The following GRIA2 variants were observed in gnomAD, a reference collection of about 807,000 sequenced individuals.
The protein encoded by GRIA2 is glutamate ionotropic receptor AMPA type subunit 2, also known as glutamate receptor 2.
GRIA2 carries 14 observed loss-of-function variants against 97.3 expected under a neutral mutation model. The observed-to-expected ratio is 0.14, with a 90% CI of 0.10 to 0.23. The LOEUF (loss-of-function observed/expected upper bound fraction) is 0.23, where lower values mean the gene tolerates loss of function less well. Among genes scored for constraint, GRIA2 ranks in the 10% least tolerant of loss-of-function variants. GRIA2 has a pLI of 1.00. For missense variants in GRIA2, 558 were observed against 1,069.8 expected (o/e 0.52, Z 6.67); for synonymous variants, 412 against 387.8 (o/e 1.06, Z -0.73).
intron 12 of GRIA2, among the ~76,000 whole-genome samples, chr4:157,355,608 A>G (rs1308550204): frequency 3.6e-5 from 5 of 137,968 alleles, no homozygotes; most frequent in Admixed American, 7.8e-5. Flanking sequence ...ATATATTTAT[A>G]TATATTTATT....
In GRIA2 at chr4:157,269,546, A is replaced by G. The variant is rs1731925671; in HGVS notation, c.230-34006A>G. Among the ~76,000 whole-genome samples the G allele has an allele frequency of 2.0e-5, 3 of 152,078 alleles. No homozygotes were observed. In the South Asian group the frequency reaches 6.2e-4, roughly 31 times the overall value. On this transcript the variant is annotated intron_variant, in intron 2 of 15. Transcript: ENST00000264426. ...AGAGATGAAGTAATAGCAGAGTTCTAGACTCTTGACTGGCCTGAACTGTTC... is the reference window on the plus strand; with the variant it reads ...AGAGATGAAGTAATAGCAGAGTTCTGGACTCTTGACTGGCCTGAACTGTTC...
chr4:157,348,533 C>A (rs1469856247), intron 12 of GRIA2, among the ~76,000 whole-genome samples: 2 of 152,106 alleles, frequency 1.3e-5, no homozygotes, highest in African/African-American at 4.8e-5. Context: ...GCCACCTCAC[C>A]CAGCCCAAAA....
At chr4:157,289,694 G>A (rs969060960) in intron 2 of GRIA2, among the ~76,000 whole-genome samples, 2 of 151,810 alleles carry the variant, frequency 1.3e-5, no homozygotes, top group African/African-American at 4.8e-5. Context: ...TTTCTTGATG[G>A]ATTATTTGTC....
chr4:157,264,860 T>C (rs956826506), intron 2 of GRIA2, among the ~76,000 whole-genome samples: 4 of 151,980 alleles, frequency 2.6e-5, no homozygotes, highest in Admixed American at 2.0e-4. Context: ...CCTTTAGCCA[T>C]TTGTTCATAA....
At chr4:157,266,821 C>T (rs1731792236) in intron 2 of GRIA2, among the ~76,000 whole-genome samples, 1 of 151,984 alleles carries the variant, frequency 6.6e-6, no homozygotes, top group Non-Finnish European at 1.5e-5. Context: ...AATCCCAGAA[C>T]TTTGAAGTTG....
chr4:157,327,224 T>C (rs1191963249), intron 6 of GRIA2, among the ~76,000 whole-genome samples: 1 of 152,056 alleles, frequency 6.6e-6, no homozygotes, highest in African/African-American at 2.4e-5. Flanking sequence ...TTGCAAAGAG[T>C]AAGCACACTA....
Position 157,361,254 on chromosome 4 carries a change from G to A in GRIA2, c.2406+130G>A. On this transcript the variant is annotated intron_variant, in intron 14 of 15. Transcript: ENST00000264426. This position sits in a 1 kb window ranked among gnomAD's most constrained non-coding sequence, Gnocchi z 5.2. ...CTGAAGAGTGCAATTGGATGACCAGGACACTTGACTTCTTCTTTCTTTCTT... is the reference window on the plus strand; with the variant it reads ...CTGAAGAGTGCAATTGGATGACCAGAACACTTGACTTCTTCTTTCTTTCTT... The A allele has an allele frequency of 1.4e-6, 1 of 692,458 alleles. No individual in the cohort carries two copies. The highest frequency in any genetic ancestry group is 2.5e-6 in the Non-Finnish European group (1 of 404,200). 42.9% of individuals were successfully genotyped at this position (692,458 alleles called of 1,614,324 possible). A position where few individuals can be genotyped will look rare whatever the true frequency, so the allele number is the denominator to read the frequency against.
chr4:157,280,292 A>G (rs546188604), intron 2 of GRIA2, among the ~76,000 whole-genome samples: 1 of 152,238 alleles, frequency 6.6e-6, no homozygotes, highest in South Asian at 2.1e-4. Context: ...GAAGAGTCAC[A>G]GGAAAAGTGA....
chr4:157,312,732 G>C lies in GRIA2; in HGVS notation c.523G>C (p.Val175Leu), dbSNP rs1397057343. ...LDSAAEKKWQ[V>L]TAINVGNINN... ...TTCTGCTGCTGAAAAGAAATGGCAA[G>C]TGACTGCTATCAATGTGGGAAACAT... The change falls in exon 4 of 16, where the codon GTG becomes CTG. Residue 175 changes from valine (V) to leucine (L), a missense_variant. This residue lies in a region of GRIA2 where 173 missense variants were observed against 209.1 expected (regional missense o/e 0.83). Transcript: ENST00000264426. 1.9e-6 allele frequency: 3 copies of C among 1,611,060 alleles called. No individual in the cohort carries two copies. The highest frequency in any genetic ancestry group is 2.5e-6 in the Non-Finnish European group (3 of 1,177,886).
chr4:157,338,560 G>C (rs1735407255), intron 11 of GRIA2, among the ~76,000 whole-genome samples: 1 of 151,932 alleles, frequency 6.6e-6, no homozygotes, highest in Non-Finnish European at 1.5e-5. Flanking sequence ...TTTCATCAAG[G>C]CTGCATCTAA....
At chr4:157,251,171 G>A (rs888164991) in intron 2 of GRIA2, among the ~76,000 whole-genome samples, 5 of 152,050 alleles carry the variant, frequency 3.3e-5, no homozygotes, top group African/African-American at 1.2e-4. Context: ...ATAACTAGAG[G>A]AGAGACAGGG....
chr4:157,282,216 G>T (rs1195250217), intron 2 of GRIA2, among the ~76,000 whole-genome samples: 1 of 152,052 alleles, frequency 6.6e-6, no homozygotes, highest in African/African-American at 2.4e-5. Context: ...AGTACCACAT[G>T]GTTAGAACAG....
At chr4:157,333,158 C>A in intron 7 of GRIA2, 91 bp from the exon 8 acceptor site, 1 of 927,344 alleles carries the variant, frequency 1.1e-6, no homozygotes, top group South Asian at 1.7e-5. Flanking sequence ...ATGTAGTTTT[C>A]TTGACTTCAT....
rs2127002517 is a variant in GRIA2 at position 157,361,876 on chromosome 4, A to T, written c.2406+752A>T. On this transcript the variant is annotated intron_variant, in intron 14 of 15. Transcript: ENST00000264426. This position sits in a 1 kb window ranked among gnomAD's most constrained non-coding sequence, Gnocchi z 5.2. The stretch of plus-strand genomic sequence containing the variant: ...TATATGCATTTAATATATTTATTTC[A>T]GTCTGTGTTCATGTCTAACTCATAC... Among the ~76,000 whole-genome samples, 1 of 152,272 alleles carries T rather than the reference A, an allele frequency of 6.6e-6. No homozygotes were observed. Among genetic ancestry groups the T allele is most frequent in the East Asian group, 1.9e-4 (1 of 5,180 alleles).
intron 2 of GRIA2, among the ~76,000 whole-genome samples, chr4:157,225,597 A>C (rs1304308431): frequency 6.7e-6 from 1 of 150,276 alleles, no homozygotes; most frequent in Non-Finnish European, 1.5e-5. Flanking sequence ...TCAGAGAATA[A>C]ATGACTGCTT....
intron 2 of GRIA2, among the ~76,000 whole-genome samples, chr4:157,291,448 T>C (rs1337571311): frequency 6.6e-6 from 1 of 152,004 alleles, no homozygotes; most frequent in Non-Finnish European, 1.5e-5. Flanking sequence ...TCCTATTTTT[T>C]TTAATTGGCT....
chr4:157,278,100 T>C (rs1279368117), intron 2 of GRIA2, among the ~76,000 whole-genome samples: 1 of 151,512 alleles, frequency 6.6e-6, no homozygotes, highest in Non-Finnish European at 1.5e-5. Flanking sequence ...AGTTATTGTG[T>C]AGGTATTAAC....
intron 2 of GRIA2, among the ~76,000 whole-genome samples, chr4:157,292,854 T>C (rs919953235): frequency 2.0e-5 from 3 of 152,118 alleles, no homozygotes; most frequent in Admixed American, 6.6e-5. Flanking sequence ...ATTACTTAAC[T>C]TGCTTCCAAG....
chr4:157,279,232 T>G (rs1732485748), intron 2 of GRIA2, among the ~76,000 whole-genome samples: 1 of 152,130 alleles, frequency 6.6e-6, no homozygotes, highest in African/African-American at 2.4e-5. Flanking sequence ...GAATGGATAC[T>G]GTGGTACATC....
Sources: allele counts gnomAD v4.1 joint callset (sites outside exome capture counted in the v4.1 genomes callset), GRCh38; gene constraint gnomAD v4.1.1; regional missense constraint gnomAD v4.1.1; non-coding constraint Gnocchi (gnomAD v3.1); transcripts MANE v1.5; gene names NCBI Gene and HGNC (gene_info 2026-07-23, HGNC 2026-07-21).